Variants in BZW1 observed in about 807,000 individuals in gnomAD.
The protein encoded by BZW1 is eIF5-mimic protein 2.
BZW1 carries 3 observed loss-of-function variants against 54.1 expected under a neutral mutation model. That is an observed-to-expected ratio of 0.06 (90% CI 0.03 to 0.14). BZW1 has a LOEUF of 0.14. Among genes scored for constraint, BZW1 ranks in the 10% least tolerant of loss-of-function variants. BZW1 has a pLI of 1.00. For synonymous variants in BZW1, 152 were observed against 162.7 expected (o/e 0.93, Z 0.50); for missense variants, 206 against 491.7 (o/e 0.42, Z 5.50).
Position 200,820,250 on chromosome 2 carries a change from G to T in BZW1, c.1105+130G>T, listed in dbSNP as rs2038460431. 7.4e-6 allele frequency: 6 copies of T among 813,340 alleles called. No homozygotes were observed. In the South Asian group the frequency reaches 1.3e-4, roughly 18 times the overall value. 50.4% of individuals were successfully genotyped at this position (813,340 alleles called of 1,614,324 possible). On this transcript the variant is annotated intron_variant, in intron 10 of 11. Coordinates refer to ENST00000409600, the MANE Select transcript of BZW1 (RefSeq NM_001207067.2). The stretch of plus-strand genomic sequence containing the variant: ...TTACTTCTAGTTATGAGTCACCTCT[G>T]ATTAAATTGGGTGCTTTTTAGTGCA...
chr2:200,825,582 C>T lies in BZW1; in HGVS notation c.*3404C>T, dbSNP rs1184207721. 1 of 152,168 alleles carries T rather than the reference C, an allele frequency of 6.6e-6. No individual in the cohort carries two copies. The highest frequency in any genetic ancestry group is 1.5e-5 in the Non-Finnish European group (1 of 68,040). 9.4% of individuals were successfully genotyped at this position (152,168 alleles called of 1,614,324 possible). A position where few individuals can be genotyped will look rare whatever the true frequency, so the allele number is the denominator to read the frequency against. On this transcript the variant is annotated 3_prime_UTR_variant, in exon 12 of 12. Coordinates refer to ENST00000409600, the MANE Select transcript of BZW1 (RefSeq NM_001207067.2). ...AGTTGTGCTTTGTTCCTTACCCCAC[C>T]ACAGGCAACAGACAAAGCATTTCCT... is the stretch of plus-strand genomic sequence containing the variant.
intron 10 of BZW1, among the ~76,000 whole-genome samples, chr2:200,820,458 T>C (rs964612365): frequency 3.9e-5 from 6 of 152,124 alleles, no homozygotes; most frequent in African/African-American, 1.4e-4. Flanking sequence ...GGCTGGAGGA[T>C]CGCTTGAGCC....
rs1431686221 is a variant in BZW1 at position 200,824,087 on chromosome 2, A to G, written c.*1909A>G. The stretch of plus-strand genomic sequence containing the variant: ...ACTGTGTATAGTGAAAAAGTGTGTC[A>G]TCTTCCAGAACTACATTATTATCTT... On this transcript the variant is annotated 3_prime_UTR_variant, in exon 12 of 12. Transcript: ENST00000409600. The G allele has an allele frequency of 6.6e-6, 1 of 152,186 alleles. No individual in the cohort carries two copies. The highest frequency in any genetic ancestry group is 1.5e-5 in the Non-Finnish European group (1 of 68,018). 9.4% of individuals were successfully genotyped at this position (152,186 alleles called of 1,614,324 possible). A position where few individuals can be genotyped will look rare whatever the true frequency, so the allele number is the denominator to read the frequency against.
chr2:200,812,493 G>T (rs1168701965), intron 1 of BZW1: 4 of 1,374,554 alleles, frequency 2.9e-6, no homozygotes, highest in Non-Finnish European at 3.8e-6. Flanking sequence ...CAGGCGACAG[G>T]GTCAGTGGAG....
chr2:200,823,469 TAA>T lies in BZW1; in HGVS notation c.*1294_*1295del, dbSNP rs1438042287. The T allele has an allele frequency of 3.3e-5, 5 of 151,074 alleles. No individual in the cohort carries two copies. Among genetic ancestry groups the T allele is most frequent in the Non-Finnish European group, 7.4e-5 (5 of 67,538 alleles). 9.4% of individuals were successfully genotyped at this position (151,074 alleles called of 1,614,324 possible). A position where few individuals can be genotyped will look rare whatever the true frequency, so the allele number is the denominator to read the frequency against. ...CATTTTTTATGGGAAGACTTTGTGT[TAA>T]AAGTGAACATTTTGAAGGTTTTTAA... On this transcript the variant is annotated 3_prime_UTR_variant, in exon 12 of 12. Transcript: ENST00000409600.
intron 8 of BZW1, 22 bp downstream of exon 8, chr2:200,818,415 C>G: frequency 6.3e-7 from 1 of 1,592,380 alleles, no homozygotes. Flanking sequence ...TTTAAACCGT[C>G]TTTTTATGGC....
intron 2 of BZW1, 139 bp from the exon 3 acceptor site, chr2:200,815,202 A>T: frequency 1.1e-6 from 1 of 901,754 alleles, no homozygotes; most frequent in Non-Finnish European, 1.6e-6. Flanking sequence ...ATCTTGTCTT[A>T]CACTTGCAGA....
At chr2:200,821,824 A>G (rs1186164169) in intron 11 of BZW1, among the ~76,000 whole-genome samples, 1 of 152,150 alleles carries the variant, frequency 6.6e-6, no homozygotes, top group Non-Finnish European at 1.5e-5. Context: ...TAATCCTAGC[A>G]CTTTGGGAGG....
rs1165840626 is a variant in BZW1 at position 200,827,057 on chromosome 2, A to G, written c.*4879A>G. 1 of 152,180 alleles carries G rather than the reference A, an allele frequency of 6.6e-6. No individual in the cohort carries two copies. The highest frequency in any genetic ancestry group is 1.5e-5 in the Non-Finnish European group (1 of 68,048). 9.4% of individuals were successfully genotyped at this position (152,180 alleles called of 1,614,324 possible). On this transcript the variant is annotated 3_prime_UTR_variant, in exon 12 of 12. Coordinates refer to ENST00000409600, the MANE Select transcript of BZW1 (RefSeq NM_001207067.2). ...CTCTATGACTTCAAAAAGATACTCA[A>G]CAGTCTCTGGCATTTGAAGAACAAA...
At chr2:200,815,593 G>A (rs1450602890) in intron 3 of BZW1, 74 bp from the exon 4 acceptor site, 1 of 1,595,342 alleles carries the variant, frequency 6.3e-7, no homozygotes, top group African/African-American at 1.3e-5. Context: ...TCTAGAATAT[G>A]AACTATTTGG....
chr2:200,822,107 C>T, intron 11 of BZW1, 40 bp from the exon 12 acceptor site: 4 of 1,566,796 alleles, frequency 2.6e-6, no homozygotes, highest in Non-Finnish European at 3.5e-6. Context: ...CTTTTGCCTT[C>T]TGATACATAA....
chr2:200,819,215 C>T, intron 9 of BZW1: 1 of 259,912 alleles, frequency 3.8e-6, no homozygotes, highest in East Asian at 1.1e-4. Context: ...ATAGTGAGAC[C>T]TCATCTCTAC....
chr2:200,818,165 AAAGT>A (rs1196060624), intron 7 of BZW1, 54 bp from the exon 8 acceptor site: 2 of 1,512,858 alleles, frequency 1.3e-6, no homozygotes, highest in African/African-American at 2.8e-5. Flanking sequence ...CTGTGAAAAG[AAAGT>A]GTTTTTCTTA....
intron 4 of BZW1, 120 bp from the exon 5 acceptor site, chr2:200,816,205 A>G: frequency 1.7e-6 from 1 of 589,338 alleles, no homozygotes; most frequent in East Asian, 3.0e-5. Context: ...CTTATGTGTC[A>G]CTAGGAATTC....
rs1559318464 is a variant in BZW1 at position 200,826,422 on chromosome 2, T to TGATAGATAGATAGATAGATAGA, written c.*4244_*4245insGATAGATAGATAGATAGATAGA. ...ATAGATAGATATTTTTTTTTTTTTT[T>TGATAGATAGATAGATAGATAGA]TTTTTTTTTTTTTTTTTTTTGAGAC... On this transcript the variant is annotated 3_prime_UTR_variant, in exon 12 of 12. Coordinates refer to ENST00000409600, the MANE Select transcript of BZW1 (RefSeq NM_001207067.2). The TGATAGATAGATAGATAGATAGA allele has an allele frequency of 7.0e-5, 7 of 99,798 alleles. No individual in the cohort carries two copies. Among genetic ancestry groups the TGATAGATAGATAGATAGATAGA allele is most frequent in the South Asian group, 3.5e-4 (1 of 2,848 alleles). 6.2% of individuals were successfully genotyped at this position (99,798 alleles called of 1,614,324 possible).
chr2:200,812,788 T>G (rs1364675781), intron 1 of BZW1: 4 of 700,062 alleles, frequency 5.7e-6, no homozygotes, highest in Non-Finnish European at 1.1e-5. Flanking sequence ...GTTCACCTTT[T>G]GACAGTGTTT....
At chr2:200,816,660 T>C (rs1381098344) in intron 5 of BZW1, among the ~76,000 whole-genome samples, 4 of 152,046 alleles carry the variant, frequency 2.6e-5, no homozygotes, top group Non-Finnish European at 5.9e-5. Context: ...CCCAGCTAAT[T>C]TTCTGTTTTT....
Position 200,815,408 on chromosome 2 carries a change from T to A in BZW1, c.132T>A (p.Gly44=). 2 of 1,614,008 alleles carry A rather than the reference T, an allele frequency of 1.2e-6. No homozygotes were observed. Among genetic ancestry groups the A allele is most frequent in the African/African-American group, 1.3e-5 (1 of 75,050 alleles). The change falls in exon 3 of 12, where the codon GGT becomes GGA. Residue 44 remains glycine (G), a synonymous_variant. Coordinates refer to ENST00000409600, the MANE Select transcript of BZW1 (RefSeq NM_001207067.2). The part of the protein sequence containing the change: ...DCIIQGLTET[G]TDLEAVAKFL... ...TTATTCAAGGCTTAACTGAAACCGG[T>A]ACTGATTTGGAAGCAGTAGCTAAGT... is the stretch of plus-strand genomic sequence containing the variant.
chr2:200,814,722 G>T (rs992616215), intron 2 of BZW1, among the ~76,000 whole-genome samples: 1 of 152,126 alleles, frequency 6.6e-6, no homozygotes. Context: ...TTTGAATCAG[G>T]CAGTTTAACT....
Sources: gnomAD v4.1 joint callset for allele counts (sites outside exome capture counted in the v4.1 genomes callset) on GRCh38, gnomAD v4.1.1 for gene constraint, MANE v1.5 for transcripts, NCBI Gene and HGNC (gene_info 2026-07-23, HGNC 2026-07-21) for gene names.